TNR: variants seen among roughly 807,000 people sequenced by gnomAD.
TNR encodes the protein tenascin R, also known as tenascin-R.
A neutral mutation model predicts 150.4 loss-of-function variants in TNR; 45 were observed. That is an observed-to-expected ratio of 0.30 (90% confidence interval 0.24 to 0.38). TNR has a LOEUF of 0.38. TNR is among the 10% of genes least tolerant of loss of function. TNR has a pLI of 1.00. For synonymous variants in TNR, 687 were observed against 678.4 expected (o/e 1.01, Z -0.20); for missense variants, 1,544 against 1,759.1 (o/e 0.88, Z 2.19).
intron 1 of TNR, among the ~76,000 whole-genome samples, chr1:175,673,841 G>A (rs1047386584): frequency 2.0e-5 from 3 of 152,184 alleles, no homozygotes; most frequent in African/African-American, 7.2e-5. Flanking sequence ...ATTACCGGTC[G>A]ACAGAGCCAC....
intron 1 of TNR, among the ~76,000 whole-genome samples, chr1:175,656,939 A>G (rs1665196468): frequency 6.6e-6 from 1 of 152,202 alleles, no homozygotes; most frequent in African/African-American, 2.4e-5. Flanking sequence ...TGTTTGCTAA[A>G]GGATGCTATG....
chr1:175,491,975 T>C (rs922160342), intron 2 of TNR, among the ~76,000 whole-genome samples: 5 of 152,290 alleles, frequency 3.3e-5, no homozygotes, highest in Middle Eastern at 3.4e-3. Flanking sequence ...CGATAAACTT[T>C]TTCATAGTTG....
At position 175,389,003 on chromosome 1, in the gene TNR, T is replaced by A. The variant is rs1372305996; in HGVS notation, c.1507+2285A>T. On this transcript the variant is annotated intron_variant, in intron 7 of 22. Coordinates refer to ENST00000367674, the MANE Select transcript of TNR (RefSeq NM_003285.3). ...TTTTCTATCCTCTTATGAACCATCT[T>A]CTCCTTTTAGCCTTTTGTCTTTTAC... Among the ~76,000 whole-genome samples the A allele has an allele frequency of 1.3e-5, 2 of 152,230 alleles. 1 individual carries two copies. Among genetic ancestry groups the A allele is most frequent in the Non-Finnish European group, 2.9e-5 (2 of 68,036 alleles).
intron 4 of TNR, among the ~76,000 whole-genome samples, chr1:175,400,969 G>T (rs1653680303): frequency 6.6e-6 from 1 of 152,208 alleles, no homozygotes; most frequent in Admixed American, 6.5e-5. Flanking sequence ...CTCTAGGGTT[G>T]CTATAGAAAC....
rs559629378 is a variant in TNR, at chr1:175,729,562, G to A, written c.-165+13664C>T. Among the ~76,000 whole-genome samples the A allele has an allele frequency of 2.0e-5, 3 of 152,010 alleles. No individual in the cohort carries two copies. The South Asian group carries it at 6.2e-4, about 32-fold the overall frequency. ...CCTACCTCAACCTCCCAAAACACTG[G>A]GATTACAGGCATAAGCCACCATGCC... On this transcript the variant is annotated intron_variant, in intron 1 of 22. Coordinates refer to ENST00000367674, the MANE Select transcript of TNR (RefSeq NM_003285.3).
intron 2 of TNR, among the ~76,000 whole-genome samples, chr1:175,525,728 C>A (rs1400197688): frequency 6.6e-6 from 1 of 152,212 alleles, no homozygotes; most frequent in Non-Finnish European, 1.5e-5. Context: ...AGTGCTAATG[C>A]TCAAGGGTTA....
intron 20 of TNR, among the ~76,000 whole-genome samples, chr1:175,331,939 A>G (rs1284066203): frequency 6.6e-6 from 1 of 152,226 alleles, no homozygotes; most frequent in East Asian, 1.9e-4. Context: ...TACCTTGATT[A>G]TAAGTCAAAG....
At chr1:175,418,198 A>G (rs1654586981) in intron 2 of TNR, among the ~76,000 whole-genome samples, 1 of 152,154 alleles carries the variant, frequency 6.6e-6, no homozygotes, top group Non-Finnish European at 1.5e-5. Context: ...AGGTCAGGAT[A>G]GAGAAGTCTC....
intron 2 of TNR, among the ~76,000 whole-genome samples, chr1:175,459,204 TCAC>T (rs1161255260): frequency 4.7e-5 from 7 of 149,618 alleles, no homozygotes; most frequent in Non-Finnish European, 1.0e-4. Flanking sequence ...ACCACCACCA[TCAC>T]CACCATTCCC....
intron 1 of TNR, among the ~76,000 whole-genome samples, chr1:175,669,210 A>G (rs1311112859): frequency 6.6e-6 from 1 of 152,242 alleles, no homozygotes; most frequent in Non-Finnish European, 1.5e-5. Context: ...GAAAGATTAA[A>G]TGCGGTAACC....
At chr1:175,323,951 G>A (rs897407184) in intron 22 of TNR, among the ~76,000 whole-genome samples, 2 of 152,192 alleles carry the variant, frequency 1.3e-5, no homozygotes, top group Non-Finnish European at 2.9e-5. Flanking sequence ...GTTGGTCATG[G>A]TGGTCTCCCT....
intron 1 of TNR, among the ~76,000 whole-genome samples, chr1:175,725,993 A>T (rs1437432036): frequency 3.3e-5 from 5 of 152,208 alleles, no homozygotes; most frequent in Admixed American, 1.3e-4. Context: ...GTACATAAAA[A>T]CTGCAATGAG....
chr1:175,449,418 C>T (rs1189560511), intron 2 of TNR, among the ~76,000 whole-genome samples: 1 of 152,164 alleles, frequency 6.6e-6, no homozygotes, highest in Non-Finnish European at 1.5e-5. Flanking sequence ...GTCTTAAGGG[C>T]CATCATTCCT....
At chr1:175,493,952 G>A (rs1177274907) in intron 2 of TNR, among the ~76,000 whole-genome samples, 3 of 152,162 alleles carry the variant, frequency 2.0e-5, no homozygotes, top group Admixed American at 1.3e-4. Flanking sequence ...CAGCTGAGGG[G>A]TCCCTACAAC....
intron 2 of TNR, among the ~76,000 whole-genome samples, chr1:175,469,714 G>A (rs755176387): frequency 2.0e-5 from 3 of 152,108 alleles, no homozygotes; most frequent in Admixed American, 2.0e-4. Context: ...GCTCTGACAT[G>A]ATTCTATGGG....
chr1:175,700,517 A>G (rs995054349), intron 1 of TNR, among the ~76,000 whole-genome samples: 1 of 152,068 alleles, frequency 6.6e-6, no homozygotes, highest in African/African-American at 2.4e-5. Flanking sequence ...CTTCACACAT[A>G]GCAGCACTCT....
At chr1:175,433,092 G>C (rs775171725) in intron 2 of TNR, among the ~76,000 whole-genome samples, 1 of 152,194 alleles carries the variant, frequency 6.6e-6, no homozygotes, top group Non-Finnish European at 1.5e-5. Flanking sequence ...GTGAATGTGA[G>C]GATGAAAGCT....
At chr1:175,710,404 T>C (rs1366543614) in intron 1 of TNR, among the ~76,000 whole-genome samples, 2 of 152,160 alleles carry the variant, frequency 1.3e-5, no homozygotes, top group Non-Finnish European at 2.9e-5. Flanking sequence ...ATGAGGTCCC[T>C]GTGAGGTCTC....
At chr1:175,434,278 G>A (rs1459144915) in intron 2 of TNR, among the ~76,000 whole-genome samples, 2 of 152,130 alleles carry the variant, frequency 1.3e-5, no homozygotes, top group African/African-American at 4.8e-5. Context: ...AGCATATGGG[G>A]TGTCGACTGT....
Sources: allele counts gnomAD v4.1 joint callset (sites outside exome capture counted in the v4.1 genomes callset), GRCh38; gene constraint gnomAD v4.1.1; transcripts MANE v1.5; gene names NCBI Gene and HGNC (gene_info 2026-07-23, HGNC 2026-07-21).